Variants in PHF20L1 observed in about 807,000 individuals in gnomAD.
The protein encoded by PHF20L1 is PHD finger protein 20-like protein 1.
A neutral mutation model predicts 125.5 loss-of-function variants in PHF20L1; 44 were observed. That is an observed-to-expected ratio of 0.35 (90% CI 0.28 to 0.45). The LOEUF (loss-of-function observed/expected upper bound fraction) is 0.45, where lower values mean the gene tolerates loss of function less well. Among genes scored for constraint, PHF20L1 ranks in the 20% least tolerant of loss-of-function variants. The pLI is 1.00. For synonymous variants in PHF20L1, 380 were observed against 403.1 expected (o/e 0.94, Z 0.69); for missense variants, 1,012 against 1,217.2 (o/e 0.83, Z 2.51).
Position 132,804,754 on chromosome 8 carries a change from ATT to A in PHF20L1, c.847+23_847+24del. On this transcript the variant is annotated intron_variant, in intron 8 of 20. Coordinates refer to ENST00000395386, the MANE Select transcript of PHF20L1 (RefSeq NM_016018.5). ...ACAAGATTACTGGTAAACTACAATG[ATT>A]TTTTTTTTGAGGGGGGGAAATGGAA... The A allele has an allele frequency of 3.5e-6, 5 of 1,446,762 alleles. No individual in the cohort carries two copies. The highest frequency in any genetic ancestry group is 4.7e-6 in the Non-Finnish European group (5 of 1,069,698). The allele number at this position is 1,446,762 out of a possible 1,614,324, so 89.6% of individuals were successfully genotyped here. A position where few individuals can be genotyped will look rare whatever the true frequency, so the allele number is the denominator to read the frequency against.
In PHF20L1 at chr8:132,829,705, A is replaced by G. The variant is rs988861280; in HGVS notation, c.1745-2530A>G. On this transcript the variant is annotated intron_variant, in intron 14 of 20. Transcript: ENST00000395386. ...ACCCTTTAAATGTTGAAATACACCG[A>G]TATCACTTATTTGTTAAGAGTGTAG... Among the ~76,000 whole-genome samples, 10 of 152,030 alleles carry G rather than the reference A, an allele frequency of 6.6e-5. 1 individual carries two copies. The highest frequency in any genetic ancestry group is 2.4e-4 in the African/African-American group (10 of 41,422).
intron 10 of PHF20L1, chr8:132,816,186 A>G (rs1193666026): frequency 6.6e-6 from 1 of 151,946 alleles, no homozygotes; most frequent in African/African-American, 2.4e-5. Flanking sequence ...TGTGAGAGAC[A>G]TTTCCAAATA....
rs189316976 is a variant in PHF20L1, at chr8:132,829,486, C to T, written c.1745-2749C>T. ...ACCTGGCATTTAATAAATGTCCTTT[C>T]CATGTCTGGGCCTAAGTAATATGGT... On this transcript the variant is annotated intron_variant, in intron 14 of 20. Transcript: ENST00000395386. 2.0e-5 allele frequency among the ~76,000 whole-genome samples: 3 copies of T among 152,152 alleles called. No homozygotes were observed. The East Asian group carries it at 5.8e-4, about 30-fold the overall frequency.
In PHF20L1 at chr8:132,832,391, G is replaced by T; in HGVS notation, c.1901G>T (p.Ser634Ile). The change falls in exon 15 of 21, where the codon AGT becomes ATT. Residue 634 changes from serine (S) to isoleucine (I), a missense_variant. Ser to Ile is a moderately radical substitution (Grantham distance 142). Around this residue, in one of 7 missense-constraint regions of PHF20L1, gnomAD observed 320 missense variants for 293.8 expected, o/e 1.09. Transcript: ENST00000395386. ...YPRAILSVDL[S>I]GENLSDVDFL... The stretch of plus-strand genomic sequence containing the variant: ...AGGGCAATTCTATCCGTTGATCTTA[G>T]TGGTGAAAGTATGTGTAACCATGTG... 1 of 1,609,926 alleles carries T rather than the reference G, an allele frequency of 6.2e-7. No individual in the cohort carries two copies. The highest frequency in any genetic ancestry group is 8.5e-7 in the Non-Finnish European group (1 of 1,176,766).
Position 132,811,610 on chromosome 8 carries a change from AAAAG to A in PHF20L1, c.930+484_930+487del, listed in dbSNP as rs1015770840. On this transcript the variant is annotated intron_variant, in intron 9 of 20. Coordinates refer to ENST00000395386, the MANE Select transcript of PHF20L1 (RefSeq NM_016018.5). ...GGATGTATATTTTAATAACTACAAA[AAAAG>A]AGAGTTTAAAAAACTATTAAGGGTC... 1.4e-5 allele frequency: 14 copies of A among 983,122 alleles called. No individual in the cohort carries two copies. The Admixed American group carries it at 2.4e-4, about 17-fold the overall frequency. 60.9% of individuals were successfully genotyped at this position (983,122 alleles called of 1,614,324 possible). A position where few individuals can be genotyped will look rare whatever the true frequency, so the allele number is the denominator to read the frequency against.
At chr8:132,839,607 G>A (rs1837720253) in intron 18 of PHF20L1, 25 bp downstream of exon 18, 1 of 1,562,538 alleles carries the variant, frequency 6.4e-7, no homozygotes, top group Non-Finnish European at 8.8e-7. Context: ...GCAAAGGGAG[G>A]GTCACACTTC....
rs1356710564 is a variant in PHF20L1 at position 132,848,348 on chromosome 8, A to G, written c.*2425A>G. On this transcript the variant is annotated 3_prime_UTR_variant, in exon 21 of 21. Coordinates refer to ENST00000395386, the MANE Select transcript of PHF20L1 (RefSeq NM_016018.5). ...CAATCGATTGAAGCCTTTCACAAGT[A>G]GTGCGCTGAGCTTTTCTTATTGAAG... is the stretch of plus-strand genomic sequence containing the variant. The G allele has an allele frequency of 1.3e-5, 2 of 152,582 alleles. No individual in the cohort carries two copies. The highest frequency in any genetic ancestry group is 4.8e-5 in the African/African-American group (2 of 41,458). 9.5% of individuals were successfully genotyped at this position (152,582 alleles called of 1,614,324 possible). A position where few individuals can be genotyped will look rare whatever the true frequency, so the allele number is the denominator to read the frequency against.
chr8:132,832,465 A>G, intron 15 of PHF20L1, 66 bp downstream of exon 15: 1 of 1,159,726 alleles, frequency 8.6e-7, no homozygotes, highest in Non-Finnish European at 1.3e-6. Flanking sequence ...TGAGAATAAA[A>G]CGTACTCTGT....
chr8:132,794,327 A>G, intron 2 of PHF20L1, 83 bp from the exon 3 acceptor site: 1 of 784,502 alleles, frequency 1.3e-6, no homozygotes, highest in Non-Finnish European at 2.1e-6. Flanking sequence ...ATGGTAAGCA[A>G]CATTCAGCTA....
chr8:132,827,360 G>T (rs1836296085), intron 14 of PHF20L1, among the ~76,000 whole-genome samples: 1 of 152,006 alleles, frequency 6.6e-6, no homozygotes, highest in Admixed American at 6.6e-5. Flanking sequence ...ACTCCCACCT[G>T]ACCAAAGGCT....
chr8:132,794,699 A>G, intron 3 of PHF20L1, 34 bp from the exon 4 acceptor site: 2 of 1,531,332 alleles, frequency 1.3e-6, no homozygotes, highest in Non-Finnish European at 1.8e-6. Flanking sequence ...TATTTAATAT[A>G]CATGGAATTG....
At chr8:132,843,119 T>C in intron 19 of PHF20L1, 1 of 1,202,156 alleles carries the variant, frequency 8.3e-7, no homozygotes. Flanking sequence ...AAAGTTTCAA[T>C]TGTATAAGTA....
chr8:132,794,949 C>T lies in PHF20L1; in HGVS notation c.340+132C>T, dbSNP rs949576114. 9.8e-6 allele frequency: 6 copies of T among 613,546 alleles called. No individual in the cohort carries two copies. The Admixed American group carries it at 1.3e-4, about 13-fold the overall frequency. The allele number at this position is 613,546 out of a possible 1,614,324, so 38.0% of individuals were successfully genotyped here. On this transcript the variant is annotated intron_variant, in intron 4 of 20. Coordinates refer to ENST00000395386, the MANE Select transcript of PHF20L1 (RefSeq NM_016018.5). ...TATATTTTCTGTAAGTATTCTTTTT[C>T]GGGAGCATTTGATTTGTTATGTGTT...
At chr8:132,818,827 A>T (rs1835261570) in intron 12 of PHF20L1, 1 of 151,924 alleles carries the variant, frequency 6.6e-6, no homozygotes. Context: ...TACTGAATAT[A>T]TGAAAAATAT....
At chr8:132,787,110 T>C (rs1164461908) in intron 2 of PHF20L1, among the ~76,000 whole-genome samples, 2 of 151,898 alleles carry the variant, frequency 1.3e-5, no homozygotes, top group South Asian at 2.1e-4. Context: ...AGGAAGATCA[T>C]GTTTTAGTGG....
chr8:132,839,616 T>A, intron 18 of PHF20L1, 34 bp downstream of exon 18: 1 of 1,490,328 alleles, frequency 6.7e-7, no homozygotes. Flanking sequence ...GGGTCACACT[T>A]CAGTGGACGT....
intron 17 of PHF20L1, chr8:132,839,168 T>C (rs1044430396): frequency 7.9e-6 from 4 of 508,090 alleles, no homozygotes; most frequent in African/African-American, 5.7e-5. Flanking sequence ...CCACTGACCA[T>C]GTCCTTAATG....
chr8:132,830,197 C>G (rs1049889071), intron 14 of PHF20L1, among the ~76,000 whole-genome samples: 1 of 151,880 alleles, frequency 6.6e-6, no homozygotes, highest in Admixed American at 6.6e-5. Context: ...TGTCCTGCTC[C>G]CATCTTCAAA....
intron 2 of PHF20L1, among the ~76,000 whole-genome samples, chr8:132,789,624 T>G (rs1312492042): frequency 2.0e-5 from 3 of 152,162 alleles, no homozygotes; most frequent in Non-Finnish European, 2.9e-5. Context: ...ATTTTTCTTG[T>G]TTAGTTTTCT....
Sources: allele counts gnomAD v4.1 joint callset (sites outside exome capture counted in the v4.1 genomes callset), GRCh38; gene constraint gnomAD v4.1.1; regional missense constraint gnomAD v4.1.1; transcripts MANE v1.5; gene names NCBI Gene and HGNC (gene_info 2026-07-23, HGNC 2026-07-21).